The following SRGAP3 variants were observed in gnomAD, a reference collection of about 807,000 sequenced individuals.
SRGAP3 encodes SLIT-ROBO Rho GTPase-activating protein 3.
SRGAP3 carries 39 observed loss-of-function variants against 121.1 expected under a neutral mutation model. The ratio of observed to expected loss-of-function variants is 0.32; its 90% CI spans 0.25 to 0.42. The LOEUF (loss-of-function observed/expected upper bound fraction) is 0.42. Among genes scored for constraint, SRGAP3 ranks in the 10% least tolerant of loss-of-function variants. The pLI is 1.00. For missense variants in SRGAP3, 1,213 were observed against 1,470.6 expected, an observed-to-expected ratio of 0.82 and a Z score of 2.86; for synonymous variants, 601 against 570.0, an observed-to-expected ratio of 1.05 and a Z score of -0.77.
At chr3:9,345,919 TG>T (rs1955882985) in intron 1 of SRGAP3, among the ~76,000 whole-genome samples, 1 of 152,328 alleles carries the variant, frequency 6.6e-6, no homozygotes, top group East Asian at 1.9e-4. Flanking sequence ...ATTAGTCTTC[TG>T]GATGAACCAA....
At chr3:9,014,092 A>C (rs766462394) in intron 15 of SRGAP3, 5 of 539,254 alleles carry the variant, frequency 9.3e-6, no homozygotes, top group Non-Finnish European at 1.7e-5. Context: ...GTTGTGAGAA[A>C]CCCACAGGGA....
chr3:9,046,163 AC>A (rs1014746768), intron 10 of SRGAP3, among the ~76,000 whole-genome samples: 2 of 151,032 alleles, frequency 1.3e-5, no homozygotes, highest in African/African-American at 4.9e-5. Context: ...CCCAAGTATA[AC>A]CACCACTCAA....
At chr3:9,110,125 AG>A (rs1194066879) in intron 2 of SRGAP3, among the ~76,000 whole-genome samples, 1 of 152,196 alleles carries the variant, frequency 6.6e-6, no homozygotes, top group East Asian at 1.9e-4. Context: ...GAGGGATTCA[AG>A]AAAGGCTTAG....
chr3:9,333,695 T>C (rs1190856749), intron 1 of SRGAP3, among the ~76,000 whole-genome samples: 1 of 152,162 alleles, frequency 6.6e-6, no homozygotes, highest in Non-Finnish European at 1.5e-5. Flanking sequence ...CCAGTCTCTC[T>C]CCCTCTCTCT....
chr3:9,219,082 A>G (rs919181482), intron 1 of SRGAP3: 6 of 152,066 alleles, frequency 3.9e-5, no homozygotes, highest in African/African-American at 1.2e-4. Flanking sequence ...TGGTCCTCCC[A>G]CCTAGGCCTC....
At chr3:9,299,805 G>A (rs1004930630) in intron 3 of SRGAP3, among the ~76,000 whole-genome samples, 13 of 152,112 alleles carry the variant, frequency 8.5e-5, no homozygotes, top group African/African-American at 3.1e-4. Flanking sequence ...TGCTACTCAG[G>A]AGGCTGAGGC....
At chr3:9,304,782 T>C (rs547995432) in intron 3 of SRGAP3, among the ~76,000 whole-genome samples, 4 of 152,176 alleles carry the variant, frequency 2.6e-5, no homozygotes, top group South Asian at 4.1e-4. Context: ...ATTTCCAATT[T>C]TGAGTCCCTT....
intron 1 of SRGAP3, among the ~76,000 whole-genome samples, chr3:9,190,389 T>C (rs1369256937): frequency 6.6e-6 from 1 of 152,196 alleles, no homozygotes; most frequent in Non-Finnish European, 1.5e-5. Context: ...CGCTGAGCTC[T>C]TGGCATGAAC....
At chr3:9,034,996 C>A (rs1574950368) in intron 11 of SRGAP3, 1 of 152,142 alleles carries the variant, frequency 6.6e-6, no homozygotes, top group Non-Finnish European at 1.5e-5. Context: ...AAAGAATATT[C>A]AATTCACTTT....
chr3:9,166,035 T>C (rs1177015403), intron 1 of SRGAP3, among the ~76,000 whole-genome samples: 1 of 152,210 alleles, frequency 6.6e-6, no homozygotes, highest in African/African-American at 2.4e-5. Flanking sequence ...GAATACACAA[T>C]AATGAGTGAG....
intron 1 of SRGAP3, among the ~76,000 whole-genome samples, chr3:9,342,754 A>G (rs1955813173): frequency 6.6e-6 from 1 of 152,234 alleles, no homozygotes; most frequent in South Asian, 2.1e-4. Flanking sequence ...AGTGAATTGA[A>G]GATCAGATTT....
chr3:9,035,747 G>A lies in SRGAP3; in HGVS notation c.1436+2316C>T, dbSNP rs117657059. The A allele has an allele frequency of 8.5e-5, 14 of 164,270 alleles. No homozygotes were observed. In the East Asian group the frequency reaches 1.4e-3, roughly 17 times the overall value. 10.2% of individuals were successfully genotyped at this position (164,270 alleles called of 1,614,324 possible). A position where few individuals can be genotyped will look rare whatever the true frequency, so the allele number is the denominator to read the frequency against. On this transcript the variant is annotated intron_variant, in intron 11 of 21. Transcript: ENST00000383836. ...AAAATTAACACACGTTGGCAACACAGGAAATAGCCTCAAAATTATCCTGCA... is the reference window on the plus strand; with the variant it reads ...AAAATTAACACACGTTGGCAACACAAGAAATAGCCTCAAAATTATCCTGCA...
At chr3:9,002,496 CTCAAA>C (rs1183688267) in intron 18 of SRGAP3, among the ~76,000 whole-genome samples, 2 of 152,028 alleles carry the variant, frequency 1.3e-5, no homozygotes, top group Non-Finnish European at 2.9e-5. Flanking sequence ...AAACCCAAAC[CTCAAA>C]TCAATAACCT....
chr3:9,030,523 G>A (rs1467988061), intron 12 of SRGAP3, among the ~76,000 whole-genome samples: 1 of 152,202 alleles, frequency 6.6e-6, no homozygotes, highest in Non-Finnish European at 1.5e-5. Context: ...GACCAAAGCA[G>A]CTGCAGCAAT....
chr3:9,117,797 G>A (rs1196732177), intron 2 of SRGAP3, among the ~76,000 whole-genome samples: 1 of 152,162 alleles, frequency 6.6e-6, no homozygotes, highest in African/African-American at 2.4e-5. Context: ...TAGGTCTCAA[G>A]AAGTGCTAGT....
intron 3 of SRGAP3, among the ~76,000 whole-genome samples, chr3:9,269,222 C>T (rs894435708): frequency 1.3e-5 from 2 of 152,174 alleles, no homozygotes; most frequent in African/African-American, 4.8e-5. Context: ...TTCAGCCTAA[C>T]AAATGTCATC....
intron 1 of SRGAP3, among the ~76,000 whole-genome samples, chr3:9,136,463 G>T (rs1442337968): frequency 7.1e-6 from 1 of 140,798 alleles, no homozygotes; most frequent in South Asian, 2.2e-4. Flanking sequence ...GGCTGAAAGC[G>T]GGCTCCTAAG....
intron 3 of SRGAP3, among the ~76,000 whole-genome samples, chr3:9,255,918 C>T (rs772855908): frequency 6.6e-6 from 1 of 152,106 alleles, no homozygotes; most frequent in Non-Finnish European, 1.5e-5. Flanking sequence ...CAAATGAAGG[C>T]ACAGGGAGGC....
At chr3:9,148,182 G>T (rs901739732) in intron 1 of SRGAP3, among the ~76,000 whole-genome samples, 8 of 152,170 alleles carry the variant, frequency 5.3e-5, no homozygotes, top group African/African-American at 1.9e-4. Context: ...GGAGGAGGAG[G>T]ATAAAGGGAT....
Sources: gnomAD v4.1 joint callset for allele counts (sites outside exome capture counted in the v4.1 genomes callset) on GRCh38, gnomAD v4.1.1 for gene constraint, MANE v1.5 for transcripts, NCBI Gene and HGNC (gene_info 2026-07-23, HGNC 2026-07-21) for gene names.